Variants in DEPTOR observed in about 807,000 individuals in gnomAD.
DEPTOR encodes the protein DEP domain containing MTOR interacting protein, also known as DEP domain-containing mTOR-interacting protein.
A neutral mutation model predicts 41.6 loss-of-function variants in DEPTOR; 41 were observed. The observed-to-expected ratio is 0.98, with a 90% CI of 0.77 to 1.28. The LOEUF is 1.28. Ranked by LOEUF, DEPTOR falls within the 50% of genes most tolerant of loss-of-function variation. The pLI, the probability that DEPTOR is intolerant of heterozygous loss-of-function variation, is 0.00. For missense variants in DEPTOR, 514 were observed against 527.9 expected, an observed-to-expected ratio of 0.97 and a Z score of 0.26; for synonymous variants, 195 against 192.3, an observed-to-expected ratio of 1.01 and a Z score of -0.12.
chr8:119,939,292 G>C (rs1828170578), intron 3 of DEPTOR, among the ~76,000 whole-genome samples: 1 of 152,160 alleles, frequency 6.6e-6, no homozygotes, highest in Non-Finnish European at 1.5e-5. Flanking sequence ...GTCTGCCGGG[G>C]AAGGGCCGTC....
At chr8:119,885,013 C>T (rs1176706461) in intron 1 of DEPTOR, among the ~76,000 whole-genome samples, 2 of 152,134 alleles carry the variant, frequency 1.3e-5, no homozygotes, top group Non-Finnish European at 2.9e-5. Context: ...TGAGCTCAGG[C>T]AATCGGCCCG....
At chr8:119,903,996 C>G (rs1827627815) in intron 1 of DEPTOR, among the ~76,000 whole-genome samples, 1 of 152,094 alleles carries the variant, frequency 6.6e-6, no homozygotes, top group South Asian at 2.1e-4. Flanking sequence ...AGTTGCTATT[C>G]TGACATCTTG....
intron 1 of DEPTOR, among the ~76,000 whole-genome samples, chr8:119,888,084 A>G (rs1165578104): frequency 6.6e-6 from 1 of 152,026 alleles, no homozygotes; most frequent in Non-Finnish European, 1.5e-5. Flanking sequence ...GCTTCCCAAA[A>G]TGTTGGGATT....
chr8:119,943,370 G>A (rs1485719735), intron 3 of DEPTOR, among the ~76,000 whole-genome samples: 2 of 152,188 alleles, frequency 1.3e-5, no homozygotes, highest in Non-Finnish European at 2.9e-5. Flanking sequence ...CACAATCATG[G>A]CAGAAGGGGA....
chr8:119,938,450 G>C (rs960286784), intron 3 of DEPTOR, among the ~76,000 whole-genome samples: 2 of 152,114 alleles, frequency 1.3e-5, no homozygotes, highest in African/African-American at 4.8e-5. Flanking sequence ...TTAGAGCCAT[G>C]GGAAATTTTT....
At position 120,006,658 on chromosome 8, in the gene DEPTOR, A is replaced by G. The variant is rs1280053283; in HGVS notation, c.926-147A>G. Reference sequence around the variant, plus strand: ...ATGTTTGCTGCTATTTACTGTCTCCATTCAGCTAAAATATAAACTGTGAGG... The same window carrying G: ...ATGTTTGCTGCTATTTACTGTCTCCGTTCAGCTAAAATATAAACTGTGAGG... On this transcript the variant is annotated intron_variant, in intron 6 of 8. Transcript: ENST00000286234. The G allele has an allele frequency of 1.3e-5, 8 of 603,340 alleles. No individual in the cohort carries two copies. The East Asian group carries it at 2.0e-4, about 15-fold the overall frequency. The allele number at this position is 603,340 out of a possible 1,614,324, so 37.4% of individuals were successfully genotyped here.
intron 4 of DEPTOR, among the ~76,000 whole-genome samples, chr8:119,987,929 G>A (rs929420415): frequency 6.6e-6 from 1 of 152,190 alleles, no homozygotes; most frequent in East Asian, 1.9e-4. Context: ...AGAATTTAAA[G>A]CCAGTAGATC....
rs573457844 is a variant in DEPTOR, at chr8:119,924,762, G to A, written c.123-3638G>A. 1.3e-3 allele frequency among the ~76,000 whole-genome samples: 196 copies of A among 151,676 alleles called. 3 individuals carry two copies. Among genetic ancestry groups the A allele is most frequent in the South Asian group, 8.4e-4 (4 of 4,774 alleles). On this transcript the variant is annotated intron_variant, in intron 1 of 8. Transcript: ENST00000286234. ...TTTCCAACTTTTATTTTCGTTTCAG[G>A]GAATTCATGTGCAGGTTTGTTACAT...
intron 4 of DEPTOR, among the ~76,000 whole-genome samples, chr8:119,983,132 T>G (rs531530238): frequency 3.9e-5 from 6 of 152,338 alleles, no homozygotes; most frequent in African/African-American, 1.4e-4. Flanking sequence ...TATACCGATG[T>G]TAATGTCTCA....
chr8:119,873,768 T>C lies in DEPTOR; in HGVS notation c.-79T>C, dbSNP rs929041936. The C allele has an allele frequency of 1.9e-6, 3 of 1,567,090 alleles. No homozygotes were observed. Among genetic ancestry groups the C allele is most frequent in the African/African-American group, 2.8e-5 (2 of 71,990 alleles). On this transcript the variant is annotated 5_prime_UTR_variant, in exon 1 of 9. Coordinates refer to ENST00000286234, the MANE Select transcript of DEPTOR (RefSeq NM_022783.4). The stretch of plus-strand genomic sequence containing the variant: ...CCGAACAAAGATGGCGCGGGAAGCG[T>C]CTGTGAGGGCAGACTGATCCGAGCA...
intron 8 of DEPTOR, among the ~76,000 whole-genome samples, chr8:120,044,659 T>C (rs1253119153): frequency 6.6e-6 from 1 of 152,188 alleles, no homozygotes; most frequent in Admixed American, 6.5e-5. Context: ...CTGAAAAGAA[T>C]ATCAAGTCAA....
chr8:120,023,388 G>A (rs998867589), intron 8 of DEPTOR, among the ~76,000 whole-genome samples: 2 of 152,032 alleles, frequency 1.3e-5, no homozygotes, highest in African/African-American at 2.4e-5. Context: ...TTACAGGCAC[G>A]CACTACCATG....
chr8:119,880,553 T>C (rs1827285927), intron 1 of DEPTOR, among the ~76,000 whole-genome samples: 1 of 152,228 alleles, frequency 6.6e-6, no homozygotes, highest in South Asian at 2.1e-4. Context: ...CAGAATCATG[T>C]ATATGAGAAT....
At chr8:119,932,492 C>CA (rs1292504499) in intron 3 of DEPTOR, among the ~76,000 whole-genome samples, 1 of 152,198 alleles carries the variant, frequency 6.6e-6, no homozygotes, top group African/African-American at 2.4e-5. Context: ...ATCTCCCTTC[C>CA]ATCCTATGGG....
At chr8:120,008,536 A>AAC (rs1199209070) in intron 7 of DEPTOR, among the ~76,000 whole-genome samples, 1 of 151,466 alleles carries the variant, frequency 6.6e-6, no homozygotes, top group African/African-American at 2.4e-5. Context: ...TCAAAAAAAA[A>AAC]AAAAAAAAAG....
chr8:119,882,771 A>C (rs1313145556), intron 1 of DEPTOR, among the ~76,000 whole-genome samples: 1 of 152,110 alleles, frequency 6.6e-6, no homozygotes, highest in Non-Finnish European at 1.5e-5. Flanking sequence ...TGGCTCTTAA[A>C]TGGTTGGTTT....
chr8:119,899,892 C>T (rs1345691852), intron 1 of DEPTOR, among the ~76,000 whole-genome samples: 1 of 152,120 alleles, frequency 6.6e-6, no homozygotes, highest in East Asian at 1.9e-4. Flanking sequence ...TTATAAGAGC[C>T]TCTATTTCCT....
intron 3 of DEPTOR, among the ~76,000 whole-genome samples, chr8:119,936,125 C>A (rs1475369831): frequency 6.6e-6 from 1 of 150,504 alleles, no homozygotes; most frequent in African/African-American, 2.4e-5. Context: ...ATTGGCTTAA[C>A]AAGCCCGTAT....
At chr8:120,016,029 A>G (rs551773913) in intron 8 of DEPTOR, among the ~76,000 whole-genome samples, 123 of 152,270 alleles carry the variant, frequency 8.1e-4, no homozygotes, top group African/African-American at 2.9e-3. Flanking sequence ...TTTGCATATT[A>G]AAGGTTGCTG....
Sources: allele counts gnomAD v4.1 joint callset (sites outside exome capture counted in the v4.1 genomes callset), GRCh38; gene constraint gnomAD v4.1.1; transcripts MANE v1.5; gene names NCBI Gene and HGNC (gene_info 2026-07-23, HGNC 2026-07-21).